The following GRHL3 variants were observed in gnomAD, a reference collection of about 807,000 sequenced individuals.
GRHL3 encodes grainyhead like transcription factor 3, also known as grainyhead-like protein 3 homolog.
Under a neutral mutation model 70.3 loss-of-function variants are expected in GRHL3, and 20 were observed. The observed-to-expected ratio is 0.28, with a 90% CI of 0.20 to 0.41. The LOEUF is 0.41. Among genes scored for constraint, GRHL3 ranks in the 10% least tolerant of loss-of-function variants. GRHL3 has a pLI of 1.00. For synonymous variants in GRHL3, 299 were observed against 299.9 expected, an observed-to-expected ratio of 1.00 and a Z score of 0.03; for missense variants, 637 against 762.3, an observed-to-expected ratio of 0.84 and a Z score of 1.94.
chr1:24,356,004 G>A (rs1239468215), downstream of GRHL3, among the ~76,000 whole-genome samples: 2 of 144,692 alleles, frequency 1.4e-5, no homozygotes, highest in Non-Finnish European at 3.0e-5. Context: ...GGGTTCAAGC[G>A]ATTCTCCTGC....
In GRHL3 at chr1:24,334,646, G is replaced by T. The variant is rs1639727714; in HGVS notation, c.206G>T (p.Gly69Val). Residue 69 changes from glycine (G) to valine (V), a missense_variant and splice_region_variant, in exon 3 of 16, where the codon GGT (glycine) becomes GTT (valine). Physicochemically the swap from Gly to Val is moderately radical, Grantham distance 109 (BLOSUM62 -3). Transcript: ENST00000361548. This position sits in a 1 kb window ranked among gnomAD's most constrained non-coding sequence, Gnocchi z 4.3. ...AATCCTTCCTTTCTCTCTTCTCAGG[G>T]TCCCAAGGAGAAGCGGATATTGTCC... ...ALSFLYDYYM[G>V]PKEKRILSSS... 6.2e-7 allele frequency: 1 copy of T among 1,610,542 alleles called. No individual in the cohort carries two copies. The highest frequency in any genetic ancestry group is 1.7e-5 in the Admixed American group (1 of 59,392).
Position 24,334,563 on chromosome 1 carries a change from TG to T in GRHL3, c.205-80del. The T allele has an allele frequency of 9.1e-7, 1 of 1,101,014 alleles. No individual in the cohort carries two copies. Among genetic ancestry groups the T allele is most frequent in the Non-Finnish European group, 1.4e-6 (1 of 725,886 alleles). 68.2% of individuals were successfully genotyped at this position (1,101,014 alleles called of 1,614,324 possible). ...ATATCACCAAAGTTACTCCCCTGCCTGGCCAAAGCTGCAGGAGGGGATTGAG... is the reference window on the plus strand; with the variant it reads ...ATATCACCAAAGTTACTCCCCTGCCTGCCAAAGCTGCAGGAGGGGATTGAG... On this transcript the variant is annotated intron_variant, in intron 2 of 15. Transcript: ENST00000361548. This position sits in a 1 kb window ranked among gnomAD's most constrained non-coding sequence, Gnocchi z 4.3.
At chr1:24,347,389 C>T (rs1640331337) in intron 13 of GRHL3, 79 bp from the exon 14 acceptor site, 13 of 1,258,660 alleles carry the variant, frequency 1.0e-5, no homozygotes, top group Admixed American at 5.1e-5. Context: ...CTTCAAGTAA[C>T]GTTTTCAGAT....
At chr1:24,361,795 C>T (rs1557429149) in intron 15 of GRHL3, among the ~76,000 whole-genome samples, 2 of 152,184 alleles carry the variant, frequency 1.3e-5, no homozygotes, top group African/African-American at 2.4e-5. Context: ...CGGACCTGTA[C>T]TTGAGTCCTA....
intron 12 of GRHL3, among the ~76,000 whole-genome samples, chr1:24,346,127 C>A (rs145102398): frequency 5.8e-4 from 88 of 151,820 alleles, no homozygotes; most frequent in African/African-American, 1.8e-3. Context: ...TCCACCCCCC[C>A]ACCCCGCCTC....
intron 15 of GRHL3, among the ~76,000 whole-genome samples, chr1:24,362,939 A>C (rs1012469423): frequency 6.6e-6 from 1 of 152,220 alleles, no homozygotes; most frequent in African/African-American, 2.4e-5. Flanking sequence ...CTCCCCTTAT[A>C]AATAAAAGCT....
rs147579045 is a variant in GRHL3 at position 24,333,374 on chromosome 1, G to A, written c.205-1271G>A. ...TTTCTTATTGAATGTCCACCACTGT[G>A]TCAGGCACTTTCCTTCATACTCTCT... On this transcript the variant is annotated intron_variant, in intron 2 of 15. Transcript: ENST00000361548. Among the ~76,000 whole-genome samples the A allele has an allele frequency of 2.5e-3, 387 of 152,298 alleles. 4 individuals are homozygous for A. Among genetic ancestry groups the A allele is most frequent in the East Asian group, 0.023 (117 of 5,180 alleles).
rs57193515 is a variant in GRHL3 at position 24,344,485 on chromosome 1, GAAAAA to G, written c.1420-387_1420-383del. ...CAGCCTGGGAGACTCTTTCCCCCCA[GAAAAA>G]AAAAAAAAAAAAAAAAAAAAAAAAG... On this transcript the variant is annotated intron_variant, in intron 11 of 15. Coordinates refer to ENST00000361548, the MANE Select transcript of GRHL3 (RefSeq NM_198173.3). Among the ~76,000 whole-genome samples, 44 of 55,798 alleles carry G rather than the reference GAAAAA, an allele frequency of 7.9e-4. 1 individual carries two copies. The highest frequency in any genetic ancestry group is 0.022 in the Middle Eastern group (1 of 46). The allele number at this position is 55,798 out of a possible 152,430, so 36.6% of individuals were successfully genotyped here. A position where few individuals can be genotyped will look rare whatever the true frequency, so the allele number is the denominator to read the frequency against.
Position 24,354,442 on chromosome 1 carries a change from T to A in GRHL3, c.1763T>A (p.Met588Lys). 1 of 1,613,822 alleles carries A rather than the reference T, an allele frequency of 6.2e-7. No individual in the cohort carries two copies. Among genetic ancestry groups the A allele is most frequent in the Non-Finnish European group, 8.5e-7 (1 of 1,179,806 alleles). ...YSNHVAFLLD[M>K]GELDGKIQII... Reference sequence around the variant, plus strand: ...AACCACGTCGCCTTCCTGCTGGACATGGGGGAGCTGGACGGCAAAATTCAG... The same window carrying A: ...AACCACGTCGCCTTCCTGCTGGACAAGGGGGAGCTGGACGGCAAAATTCAG... Residue 588 changes from methionine to lysine, a missense_variant, in exon 16 of 16, where the codon ATG becomes AAG. Met to Lys is a moderately conservative substitution (Grantham distance 95). Around this residue, in one of 2 missense-constraint regions of GRHL3, gnomAD observed 387 missense variants for 513.8 expected, o/e 0.75. Transcript: ENST00000361548.
intron 1 of GRHL3, chr1:24,323,156 A>C (rs1387581399): frequency 1.6e-6 from 2 of 1,266,620 alleles, no homozygotes; most frequent in East Asian, 2.5e-5. Flanking sequence ...TATTTTACAA[A>C]CCTATGTTAC....
At chr1:24,337,946 G>GCTGTGGT in intron 6 of GRHL3, 46 bp from the exon 7 acceptor site, 11 of 1,549,144 alleles carry the variant, frequency 7.1e-6, no homozygotes, top group Non-Finnish European at 9.7e-6. Flanking sequence ...TTGGAACCAG[G>GCTGTGGT]CTCTAGGAAG....
chr1:24,334,605 A>G lies in GRHL3; in HGVS notation c.205-40A>G. ...GGGGATTGAGGCTCCTACCAGCAGA[A>G]GCTTAGCCATGCATAAATCCTTCCT... On this transcript the variant is annotated intron_variant, in intron 2 of 15. Transcript: ENST00000361548. This position sits in a 1 kb window ranked among gnomAD's most constrained non-coding sequence, Gnocchi z 4.3. 3 of 1,557,806 alleles carry G rather than the reference A, an allele frequency of 1.9e-6. No individual in the cohort carries two copies. The highest frequency in any genetic ancestry group is 2.6e-6 in the Non-Finnish European group (3 of 1,133,158).
At chr1:24,339,314 C>T (rs1639947367) in intron 7 of GRHL3, among the ~76,000 whole-genome samples, 1 of 151,320 alleles carries the variant, frequency 6.6e-6, no homozygotes, top group African/African-American at 2.4e-5. Flanking sequence ...CTCGCTCTCT[C>T]ACCCAGGCTA....
chr1:24,327,810 AT>A (rs573761117), intron 1 of GRHL3, among the ~76,000 whole-genome samples: 6 of 152,016 alleles, frequency 3.9e-5, no homozygotes, highest in Admixed American at 2.0e-4. Flanking sequence ...GGGACAACTT[AT>A]TTTTTTCCCC....
chr1:24,327,656 CAG>C (rs1639444534), intron 1 of GRHL3, among the ~76,000 whole-genome samples: 1 of 152,216 alleles, frequency 6.6e-6, no homozygotes, highest in Non-Finnish European at 1.5e-5. Context: ...AGGACACCAA[CAG>C]AGAGTTTGTG....
chr1:24,347,051 T>G (rs182032000), intron 13 of GRHL3, among the ~76,000 whole-genome samples: 55 of 152,330 alleles, frequency 3.6e-4, no homozygotes, highest in African/African-American at 1.2e-3. Context: ...GGGCTGTAGC[T>G]GGCCATCAGG....
chr1:24,354,466 A>T lies in GRHL3; in HGVS notation c.1787A>T (p.Gln596Leu). The T allele has an allele frequency of 1.2e-6, 2 of 1,613,210 alleles. No individual in the cohort carries two copies. Among genetic ancestry groups the T allele is most frequent in the Non-Finnish European group, 1.7e-6 (2 of 1,179,254 alleles). ...LDMGELDGKI[Q>L]IILKEL The stretch of plus-strand genomic sequence containing the variant: ...ATGGGGGAGCTGGACGGCAAAATTC[A>T]GATCATCCTTAAGGAGCTGTAAGGC... Residue 596 changes from glutamine to leucine, a missense_variant, in exon 16 of 16, where the codon CAG becomes CTG. Transcript: ENST00000361548.
intron 11 of GRHL3, among the ~76,000 whole-genome samples, chr1:24,344,570 C>T (rs1236377290): frequency 6.6e-6 from 1 of 151,416 alleles, no homozygotes; most frequent in African/African-American, 2.4e-5. Context: ...TTACCGGCCG[C>T]AGGACCATCT....
intron 11 of GRHL3, chr1:24,343,240 G>A (rs566851234): frequency 2.5e-4 from 135 of 548,966 alleles, no homozygotes; most frequent in Non-Finnish European, 2.7e-4. Flanking sequence ...AACAGATTTC[G>A]TAACCATTAA....
Sources: gnomAD v4.1 joint callset for allele counts (sites outside exome capture counted in the v4.1 genomes callset) on GRCh38, gnomAD v4.1.1 for gene constraint, gnomAD v4.1.1 regional missense constraint, Gnocchi (gnomAD v3.1) non-coding constraint, MANE v1.5 for transcripts, NCBI Gene and HGNC (gene_info 2026-07-23, HGNC 2026-07-21) for gene names.